The following ADAMTS9 variants were observed in gnomAD, a reference collection of about 807,000 sequenced individuals.
The protein encoded by ADAMTS9 is ADAM metallopeptidase with thrombospondin type 1 motif 9.
Under a neutral mutation model 257.1 loss-of-function variants are expected in ADAMTS9, and 107 were observed. The observed-to-expected ratio is 0.42, with a 90% CI of 0.36 to 0.49. ADAMTS9 has a LOEUF of 0.49. Ranked by LOEUF, ADAMTS9 falls within the 20% of genes least tolerant of loss-of-function variation. ADAMTS9 has a pLI of 0.03. For synonymous variants in ADAMTS9, 982 were observed against 880.9 expected, an observed-to-expected ratio of 1.11 and a Z score of -2.03; for missense variants, 2,353 against 2,469.1, an observed-to-expected ratio of 0.95 and a Z score of 1.00.
At chr3:64,646,661 A>G (rs933193560) in intron 11 of ADAMTS9, among the ~76,000 whole-genome samples, 6 of 152,250 alleles carry the variant, frequency 3.9e-5, no homozygotes, top group African/African-American at 1.2e-4. Context: ...AAGTATCTTC[A>G]TTATAAGTTT....
chr3:64,669,728 A>G (rs1701439738), intron 3 of ADAMTS9, among the ~76,000 whole-genome samples: 1 of 152,176 alleles, frequency 6.6e-6, no homozygotes, highest in Non-Finnish European at 1.5e-5. Context: ...ATAAGACAGA[A>G]TAACTCCAAA....
At chr3:64,675,772 C>G (rs57047976) in intron 3 of ADAMTS9, among the ~76,000 whole-genome samples, 6,074 of 152,218 alleles carry the variant, frequency 0.04, 405 homozygotes, top group African/African-American at 0.14. Context: ...GGACAAGTTT[C>G]TCAACCTCTT....
intron 28 of ADAMTS9, chr3:64,582,653 T>C (rs978727676): frequency 3.3e-5 from 5 of 152,192 alleles, no homozygotes; most frequent in Non-Finnish European, 4.4e-5. Flanking sequence ...GGGGGTATGC[T>C]ATTGGCATCC....
intron 31 of ADAMTS9, chr3:64,550,058 C>G (rs1264255356): frequency 6.6e-6 from 1 of 152,176 alleles, no homozygotes; most frequent in Non-Finnish European, 1.5e-5. Context: ...TCTCTAAATG[C>G]TTTTGGGCAA....
chr3:64,592,786 G>A (rs1185359541), intron 28 of ADAMTS9: 1 of 147,058 alleles, frequency 6.8e-6, no homozygotes, highest in Non-Finnish European at 1.5e-5. Flanking sequence ...TTTTTTTTTT[G>A]GGTCAAAGTT....
intron 2 of ADAMTS9, among the ~76,000 whole-genome samples, chr3:64,684,208 TG>T: frequency 6.6e-6 from 1 of 152,216 alleles, no homozygotes; most frequent in African/African-American, 2.4e-5. Context: ...AAATGCCAAA[TG>T]GAGTTAGCGA....
intron 30 of ADAMTS9, among the ~76,000 whole-genome samples, chr3:64,558,459 G>A (rs971301111): frequency 6.6e-6 from 1 of 152,056 alleles, no homozygotes; most frequent in Non-Finnish European, 1.5e-5. Context: ...ATTATCTTCA[G>A]TATTAGGGCC....
chr3:64,642,823 T>C (rs1035124091), intron 11 of ADAMTS9, among the ~76,000 whole-genome samples: 1 of 151,818 alleles, frequency 6.6e-6, no homozygotes, highest in African/African-American at 2.4e-5. Flanking sequence ...GTGGCGACTG[T>C]CGTGATTTAT....
At chr3:64,554,785 C>A (rs1257623955) in intron 30 of ADAMTS9, among the ~76,000 whole-genome samples, 1 of 152,098 alleles carries the variant, frequency 6.6e-6, no homozygotes, top group Non-Finnish European at 1.5e-5. Context: ...TTTAAATATG[C>A]TGAAATTAAC....
At chr3:64,654,236 T>G in intron 8 of ADAMTS9, 117 bp downstream of exon 8, 1 of 1,040,810 alleles carries the variant, frequency 9.6e-7, no homozygotes, top group Non-Finnish European at 1.4e-6. Flanking sequence ...CCTGCAACTC[T>G]ACTATGACTC....
At chr3:64,611,075 CA>C (rs34998404) in intron 22 of ADAMTS9, among the ~76,000 whole-genome samples, 103 of 72,114 alleles carry the variant, frequency 1.4e-3, no homozygotes, top group South Asian at 5.7e-3. Context: ...GACTCTGTCT[CA>C]AAAAAAAAAA....
At chr3:64,595,028 C>G (rs1255664682) in intron 27 of ADAMTS9, among the ~76,000 whole-genome samples, 1 of 152,092 alleles carries the variant, frequency 6.6e-6, no homozygotes, top group African/African-American at 2.4e-5. Context: ...AGCTCATGAT[C>G]CTCCCACCTC....
chr3:64,529,223 A>G (rs1434607226), intron 38 of ADAMTS9, among the ~76,000 whole-genome samples: 3 of 152,186 alleles, frequency 2.0e-5, no homozygotes, highest in Non-Finnish European at 4.4e-5. Context: ...AGTGCTCTCC[A>G]TTGTTCACAA....
chr3:64,654,476 A>T lies in ADAMTS9; in HGVS notation c.1211-18T>A. 6.2e-7 allele frequency: 1 copy of T among 1,613,392 alleles called. No homozygotes were observed. The highest frequency in any genetic ancestry group is 2.2e-5 in the East Asian group (1 of 44,840). The stretch of plus-strand genomic sequence containing the variant: ...AGCCAGGCCTATTAGAAGGAAAAAA[A>T]CCAACAAGGATTTACTCTAAAAAGC... On this transcript the variant is annotated intron_variant, in intron 7 of 39. Coordinates refer to ENST00000498707, the MANE Select transcript of ADAMTS9 (RefSeq NM_182920.2).
intron 3 of ADAMTS9, among the ~76,000 whole-genome samples, chr3:64,674,302 G>C (rs760682288): frequency 2.4e-4 from 37 of 152,032 alleles, no homozygotes; most frequent in Non-Finnish European, 3.4e-4. Flanking sequence ...CACCGATGAA[G>C]AACAAAAAGG....
intron 28 of ADAMTS9, among the ~76,000 whole-genome samples, chr3:64,574,762 CA>C: frequency 6.6e-6 from 1 of 152,002 alleles, no homozygotes; most frequent in East Asian, 1.9e-4. Context: ...ACACCCCAAC[CA>C]CTTTAATCCT....
chr3:64,557,812 A>G (rs2083359877), intron 30 of ADAMTS9, among the ~76,000 whole-genome samples: 1 of 152,184 alleles, frequency 6.6e-6, no homozygotes, highest in African/African-American at 2.4e-5. Flanking sequence ...TGCCTACAAC[A>G]TGTTGTTTCT....
chr3:64,573,789 G>T (rs1239977101), intron 28 of ADAMTS9, among the ~76,000 whole-genome samples: 1 of 152,228 alleles, frequency 6.6e-6, no homozygotes, highest in African/African-American at 2.4e-5. Flanking sequence ...AATACTGCAT[G>T]AGCGTCACAC....
intron 12 of ADAMTS9, 97 bp from the exon 13 acceptor site, chr3:64,633,976 G>C (rs2106899316): frequency 8.6e-7 from 1 of 1,168,890 alleles, no homozygotes; most frequent in East Asian, 2.5e-5. Context: ...TTCTAGAGAA[G>C]TAAATCTAGG....
Sources: allele counts gnomAD v4.1 joint callset (sites outside exome capture counted in the v4.1 genomes callset), GRCh38; gene constraint gnomAD v4.1.1; transcripts MANE v1.5; gene names NCBI Gene and HGNC (gene_info 2026-07-23, HGNC 2026-07-21).